CHRM3: variants seen among roughly 807,000 people sequenced by gnomAD.
The protein encoded by CHRM3 is muscarinic acetylcholine receptor M3.
A neutral mutation model predicts 41.8 loss-of-function variants in CHRM3; 11 were observed. That is an observed-to-expected ratio of 0.26 (90% CI 0.17 to 0.44). The LOEUF (loss-of-function observed/expected upper bound fraction) is 0.44. Ranked by LOEUF, CHRM3 falls within the 20% of genes least tolerant of loss-of-function variation. The pLI is 1.00. For missense variants in CHRM3, 571 were observed against 745.4 expected, an observed-to-expected ratio of 0.77 and a Z score of 2.72; for synonymous variants, 297 against 301.4, an observed-to-expected ratio of 0.99 and a Z score of 0.15.
intron 5 of CHRM3, among the ~76,000 whole-genome samples, chr1:239,825,314 A>G (rs1672367036): frequency 6.6e-6 from 1 of 152,198 alleles, no homozygotes; most frequent in South Asian, 2.1e-4. Context: ...GTATTTCTCA[A>G]CTTTTATGAT....
chr1:239,575,291 A>G (rs1384162415), intron 3 of CHRM3, among the ~76,000 whole-genome samples: 5 of 152,276 alleles, frequency 3.3e-5, no homozygotes, highest in African/African-American at 1.2e-4. Flanking sequence ...AGGAAGTGGG[A>G]GTGATTCCTC....
chr1:239,674,100 A>G (rs1049175121), intron 4 of CHRM3, among the ~76,000 whole-genome samples: 6 of 152,140 alleles, frequency 3.9e-5, no homozygotes, highest in African/African-American at 1.4e-4. Context: ...GATCCCAAGC[A>G]TTTCAGATAA....
chr1:239,466,927 G>A (rs1395506185), intron 1 of CHRM3, among the ~76,000 whole-genome samples: 1 of 152,188 alleles, frequency 6.6e-6, no homozygotes, highest in African/African-American at 2.4e-5. Flanking sequence ...GTGCAGAAGT[G>A]TGAATAAAGT....
At chr1:239,632,692 C>T (rs993843707) in intron 4 of CHRM3, among the ~76,000 whole-genome samples, 1 of 152,102 alleles carries the variant, frequency 6.6e-6, no homozygotes, top group African/African-American at 2.4e-5. Context: ...GAATGCTGTA[C>T]AAAATATGAT....
intron 3 of CHRM3, among the ~76,000 whole-genome samples, chr1:239,601,242 A>G (rs946447934): frequency 6.6e-6 from 1 of 152,110 alleles, no homozygotes; most frequent in African/African-American, 2.4e-5. Flanking sequence ...CTGTTTGGTG[A>G]TGGATGGGAG....
At chr1:239,493,197 T>A (rs1224988833) in intron 2 of CHRM3, among the ~76,000 whole-genome samples, 1 of 152,186 alleles carries the variant, frequency 6.6e-6, no homozygotes, top group Non-Finnish European at 1.5e-5. Context: ...ATACTAGAAA[T>A]ATACAATTGG....
chr1:239,451,721 G>T (rs2103324815), intron 1 of CHRM3, among the ~76,000 whole-genome samples: 1 of 152,002 alleles, frequency 6.6e-6, no homozygotes, highest in African/African-American at 2.4e-5. Flanking sequence ...CAAAAGGATG[G>T]GAAGAAATTT....
chr1:239,529,215 A>C (rs532802814), intron 2 of CHRM3, among the ~76,000 whole-genome samples: 8 of 152,240 alleles, frequency 5.3e-5, no homozygotes, highest in Non-Finnish European at 1.2e-4. Flanking sequence ...TCTTAAGTTT[A>C]TGGAGTACCA....
At chr1:239,761,624 C>G (rs990560408) in intron 5 of CHRM3, among the ~76,000 whole-genome samples, 1 of 152,192 alleles carries the variant, frequency 6.6e-6, no homozygotes, top group Non-Finnish European at 1.5e-5. Context: ...GGCACTACCA[C>G]TGAGGCAATA....
rs1051323143 is a variant in CHRM3, at chr1:239,904,521, T to TG, written c.-19-2906dup. The stretch of plus-strand genomic sequence containing the variant: ...GAACTGCAGTAAACTGGTATCTGGA[T>TG]GGGGGGAGAGCAGCAGACAGATCTT... On this transcript the variant is annotated intron_variant, in intron 6 of 6. Transcript: ENST00000676153. Among the ~76,000 whole-genome samples, 3 of 152,086 alleles carry TG rather than the reference T, an allele frequency of 2.0e-5. No individual in the cohort carries two copies. The East Asian group carries it at 5.8e-4, about 29-fold the overall frequency.
chr1:239,574,324 C>A (rs755269030), intron 3 of CHRM3, among the ~76,000 whole-genome samples: 7 of 146,538 alleles, frequency 4.8e-5, no homozygotes, highest in Non-Finnish European at 7.5e-5. Flanking sequence ...TCCCAGCTGC[C>A]CTCCTCTCCT....
At chr1:239,698,336 T>G (rs1364447826) in intron 5 of CHRM3, among the ~76,000 whole-genome samples, 11 of 152,174 alleles carry the variant, frequency 7.2e-5, no homozygotes, top group Admixed American at 7.2e-4. Context: ...ATTAGAGTAC[T>G]TGAATAGCAT....
At chr1:239,893,104 AAAT>A (rs1429043761) in intron 6 of CHRM3, among the ~76,000 whole-genome samples, 1 of 152,162 alleles carries the variant, frequency 6.6e-6, no homozygotes, top group Non-Finnish European at 1.5e-5. Context: ...TCTGGTGACT[AAAT>A]AATAGTCTCT....
At chr1:239,552,150 A>G (rs1308933974) in intron 3 of CHRM3, among the ~76,000 whole-genome samples, 2 of 148,896 alleles carry the variant, frequency 1.3e-5, no homozygotes, top group Admixed American at 1.3e-4. Context: ...TATATGATAT[A>G]TATTTATTAT....
At chr1:239,629,721 G>C (rs566807097) in intron 3 of CHRM3, among the ~76,000 whole-genome samples, 3 of 152,136 alleles carry the variant, frequency 2.0e-5, no homozygotes, top group Non-Finnish European at 4.4e-5. Flanking sequence ...TAAAAAGTTA[G>C]CAAAATATCC....
At chr1:239,837,610 A>G (rs1171649807) in intron 6 of CHRM3, among the ~76,000 whole-genome samples, 1 of 152,258 alleles carries the variant, frequency 6.6e-6, no homozygotes, top group East Asian at 1.9e-4. Context: ...AGCAGTAAGC[A>G]CAGCCTAATA....
chr1:239,850,716 GT>G (rs1202674538), intron 6 of CHRM3, among the ~76,000 whole-genome samples: 1 of 152,120 alleles, frequency 6.6e-6, no homozygotes, highest in East Asian at 1.9e-4. Flanking sequence ...CAGTGAGTGA[GT>G]TCTCGTGTGA....
chr1:239,679,739 T>C (rs1197113533), intron 5 of CHRM3, among the ~76,000 whole-genome samples: 1 of 152,112 alleles, frequency 6.6e-6, no homozygotes, highest in East Asian at 1.9e-4. Context: ...ATTTTGGGCC[T>C]ACACAAATTT....
intron 1 of CHRM3, among the ~76,000 whole-genome samples, chr1:239,475,829 G>A (rs1385988510): frequency 2.6e-5 from 4 of 152,048 alleles, no homozygotes; most frequent in East Asian, 1.9e-4. Context: ...TGGATTGTCC[G>A]TATGTTTTTC....
Sources: allele counts gnomAD v4.1 joint callset (sites outside exome capture counted in the v4.1 genomes callset), GRCh38; gene constraint gnomAD v4.1.1; transcripts MANE v1.5; gene names NCBI Gene and HGNC (gene_info 2026-07-23, HGNC 2026-07-21).